RAB28: variants seen among roughly 807,000 people sequenced by gnomAD.
The protein encoded by RAB28 is ras-related protein Rab-28.
Under a neutral mutation model 31.7 loss-of-function variants are expected in RAB28, and 24 were observed. That is an observed-to-expected ratio of 0.76 (90% CI 0.55 to 1.06). RAB28 has a LOEUF of 1.06. Among genes scored for constraint, RAB28 ranks in the 50% least tolerant of loss-of-function variants. The probability of loss-of-function intolerance (pLI) is 0.00; values close to 1 mark genes in which losing one functional copy is unlikely to be tolerated. For synonymous variants in RAB28, 100 were observed against 90.4 expected (o/e 1.11, Z -0.60); for missense variants, 254 against 258.5 (o/e 0.98, Z 0.12).
At chr4:13,421,859 A>G (rs572587535) in intron 4 of RAB28, among the ~76,000 whole-genome samples, 1 of 152,302 alleles carries the variant, frequency 6.6e-6, no homozygotes, top group Admixed American at 6.5e-5. Context: ...TTCGTGACTA[A>G]AACACCAAAA....
intron 4 of RAB28, among the ~76,000 whole-genome samples, chr4:13,435,809 G>A (rs1210971380): frequency 6.6e-6 from 1 of 152,128 alleles, no homozygotes; most frequent in Non-Finnish European, 1.5e-5. Flanking sequence ...AGAAGAGCTG[G>A]TACCAATCTT....
In RAB28 at chr4:13,469,835, T is replaced by C. The variant is rs1417879387; in HGVS notation, c.261+4483A>G. ...TCTCTAGTAGCTAGGACTACAGGCA[T>C]GTACCACAGTGCCCAGCTAATTTTT... On this transcript the variant is annotated intron_variant, in intron 3 of 6. Transcript: ENST00000330852. Among the ~76,000 whole-genome samples the C allele has an allele frequency of 2.0e-5, 3 of 152,112 alleles. No individual in the cohort carries two copies. The East Asian group carries it at 5.8e-4, about 30-fold the overall frequency.
chr4:13,423,625 T>C (rs1257961160), intron 4 of RAB28, among the ~76,000 whole-genome samples: 2 of 152,210 alleles, frequency 1.3e-5, no homozygotes, highest in Admixed American at 1.3e-4. Context: ...TAGCTGCTTC[T>C]ACACTACAAT....
intron 4 of RAB28, among the ~76,000 whole-genome samples, chr4:13,442,499 C>T (rs754188360): frequency 6.6e-6 from 1 of 150,950 alleles, no homozygotes; most frequent in Non-Finnish European, 1.5e-5. Context: ...AAAAAAACTT[C>T]TAAACTATAA....
intron 4 of RAB28, among the ~76,000 whole-genome samples, chr4:13,407,707 G>A (rs987929299): frequency 6.6e-5 from 10 of 152,264 alleles, no homozygotes; most frequent in African/African-American, 2.4e-4. Context: ...AGTTCTCCTT[G>A]AAGAGGTCCT....
intron 3 of RAB28, among the ~76,000 whole-genome samples, chr4:13,461,101 T>C (rs552743280): frequency 6.6e-6 from 1 of 152,220 alleles, no homozygotes; most frequent in Non-Finnish European, 1.5e-5. Flanking sequence ...ATCTGGAATA[T>C]GCTTGGTAAG....
intron 4 of RAB28, among the ~76,000 whole-genome samples, chr4:13,456,334 G>C (rs1340126634): frequency 1.3e-5 from 2 of 152,190 alleles, no homozygotes; most frequent in African/African-American, 4.8e-5. Flanking sequence ...TGCAATTTGT[G>C]ATAAATCAAG....
intron 4 of RAB28, among the ~76,000 whole-genome samples, chr4:13,451,521 T>C (rs1714967148): frequency 6.6e-6 from 1 of 151,730 alleles, no homozygotes; most frequent in African/African-American, 2.4e-5. Context: ...TTTTCCCAAT[T>C]TGTAGATTAC....
rs1259407988 is a variant in RAB28, at chr4:13,368,135, T to C, written c.*423A>G. ...GTAAAATATATTACTTGCTTAATGTTTGCACTCTGAAGTATACTTTGACAC... is the reference window on the plus strand; with the variant it reads ...GTAAAATATATTACTTGCTTAATGTCTGCACTCTGAAGTATACTTTGACAC... On this transcript the variant is annotated 3_prime_UTR_variant, in exon 7 of 7. Transcript: ENST00000330852. 1.0e-6 allele frequency: 1 copy of C among 985,138 alleles called. No homozygotes were observed. Among genetic ancestry groups the C allele is most frequent in the Non-Finnish European group, 1.2e-6 (1 of 829,678 alleles). The allele number at this position is 985,138 out of a possible 1,614,324, so 61.0% of individuals were successfully genotyped here.
intron 4 of RAB28, among the ~76,000 whole-genome samples, chr4:13,424,785 T>C (rs2108925274): frequency 6.6e-6 from 1 of 152,354 alleles, no homozygotes; most frequent in South Asian, 2.1e-4. Flanking sequence ...TCCTACCTTC[T>C]TCTCAATTAC....
chr4:13,418,654 G>C (rs1712939577), intron 4 of RAB28, among the ~76,000 whole-genome samples: 3 of 152,168 alleles, frequency 2.0e-5, no homozygotes, highest in South Asian at 4.1e-4. Context: ...GCCAAACTAA[G>C]CTTCATAAGT....
chr4:13,419,236 C>T (rs564174553), intron 4 of RAB28, among the ~76,000 whole-genome samples: 2 of 152,126 alleles, frequency 1.3e-5, no homozygotes, highest in African/African-American at 4.8e-5. Context: ...ACAGGAGCAC[C>T]CAGATTCATA....
rs902194567 is a variant in RAB28, at chr4:13,429,023, C to A, written c.391+31676G>T. ...GCAGTGGCACAATCTCAGCTCACTG[C>A]AACCTCCACCTCCCAGGTTCAAGTG... On this transcript the variant is annotated intron_variant, in intron 4 of 6. Transcript: ENST00000330852. Among the ~76,000 whole-genome samples the A allele has an allele frequency of 2.7e-5, 4 of 150,894 alleles. No individual in the cohort carries two copies. In the East Asian group the frequency reaches 7.8e-4, roughly 29 times the overall value.
chr4:13,444,479 T>C (rs1290455908), intron 4 of RAB28, among the ~76,000 whole-genome samples: 1 of 152,188 alleles, frequency 6.6e-6, no homozygotes, highest in African/African-American at 2.4e-5. Flanking sequence ...AATGCTGCAA[T>C]GAACTTGGGA....
At chr4:13,398,142 T>C (rs1035491063) in intron 4 of RAB28, among the ~76,000 whole-genome samples, 3 of 152,340 alleles carry the variant, frequency 2.0e-5, no homozygotes, top group East Asian at 3.9e-4. Flanking sequence ...AAAAGCACTA[T>C]TGAGTAAGTA....
intron 6 of RAB28, chr4:13,371,588 T>A: frequency 1.0e-6 from 1 of 985,320 alleles, no homozygotes; most frequent in Non-Finnish European, 1.2e-6. Context: ...CTCAGGGGCT[T>A]TGACTCTTTG....
chr4:13,388,673 C>T (rs1353544215), intron 4 of RAB28, among the ~76,000 whole-genome samples: 1 of 151,796 alleles, frequency 6.6e-6, no homozygotes, highest in Non-Finnish European at 1.5e-5. Context: ...AACTCAACAA[C>T]AAAAAACACA....
chr4:13,371,047 T>C, intron 6 of RAB28: 1 of 983,796 alleles, frequency 1.0e-6, no homozygotes, highest in Non-Finnish European at 1.2e-6. Context: ...TCTATTAATT[T>C]ATTAAGATAG....
chr4:13,374,967 AAC>A (rs1728861472), intron 6 of RAB28, among the ~76,000 whole-genome samples: 1 of 152,174 alleles, frequency 6.6e-6, no homozygotes, highest in African/African-American at 2.4e-5. Flanking sequence ...ATTTTAACCA[AAC>A]TGCTCTTCTG....
Sources: gnomAD v4.1 joint callset for allele counts (sites outside exome capture counted in the v4.1 genomes callset) on GRCh38, gnomAD v4.1.1 for gene constraint, MANE v1.5 for transcripts, NCBI Gene and HGNC (gene_info 2026-07-23, HGNC 2026-07-21) for gene names.